Variants in EFHC2 observed in about 807,000 individuals in gnomAD.
EFHC2 encodes EF-hand domain-containing family member C2.
In EFHC2, 18 loss-of-function variants were observed where a neutral mutation model predicts 52.7. That is an observed-to-expected ratio of 0.34 (90% confidence interval 0.24 to 0.51). EFHC2 has a LOEUF of 0.51. Among genes scored for constraint, EFHC2 ranks in the 20% least tolerant of loss-of-function variants. The pLI, the probability that EFHC2 is intolerant of heterozygous loss-of-function variation, is 0.97. For missense variants in EFHC2, 513 were observed against 562.5 expected, an observed-to-expected ratio of 0.91 and a Z score of 0.89; for synonymous variants, 203 against 204.1, an observed-to-expected ratio of 0.99 and a Z score of 0.04.
chrX:44,331,116 A>G (rs770440665), intron 1 of EFHC2, among the ~76,000 whole-genome samples: 1 of 112,251 alleles, frequency 8.9e-6, no homozygotes, highest in South Asian at 3.7e-4. Flanking sequence ...AATAGCTAAA[A>G]ACTAGAAATA....
chrX:44,342,205 G>A (rs1425691305), intron 1 of EFHC2, among the ~76,000 whole-genome samples: 2 of 112,383 alleles, frequency 1.8e-5, no homozygotes, highest in Non-Finnish European at 3.7e-5. Context: ...CTGACCAGAC[G>A]TGTAGGGGTC....
intron 1 of EFHC2, among the ~76,000 whole-genome samples, chrX:44,317,313 G>A (rs1034864008): frequency 8.9e-6 from 1 of 112,066 alleles, no homozygotes; most frequent in African/African-American, 3.2e-5. Context: ...GGTGGCAGAC[G>A]CAGTTTGTCA....
intron 11 of EFHC2, among the ~76,000 whole-genome samples, chrX:44,206,466 G>C (rs181130741): frequency 8.1e-5 from 9 of 111,720 alleles, no homozygotes; most frequent in African/African-American, 2.9e-4. Flanking sequence ...AAACTCCAAA[G>C]GTTCCTCCAA....
intron 2 of EFHC2, among the ~76,000 whole-genome samples, chrX:44,283,349 A>C (rs974813899): frequency 1.8e-5 from 2 of 109,910 alleles, no homozygotes; most frequent in Non-Finnish European, 3.8e-5. Flanking sequence ...CACCCAGCTA[A>C]TTTTTTGTAT....
At chrX:44,315,467 A>T (rs1230674504) in intron 1 of EFHC2, among the ~76,000 whole-genome samples, 1 of 111,176 alleles carries the variant, frequency 9.0e-6, no homozygotes, top group Non-Finnish European at 1.9e-5. Context: ...ATCTCATTTC[A>T]CTGTCACAGA....
intron 1 of EFHC2, among the ~76,000 whole-genome samples, chrX:44,338,369 T>C (rs2038129266): frequency 9.6e-6 from 1 of 103,728 alleles, no homozygotes; most frequent in Non-Finnish European, 2.0e-5. Context: ...GGTATGGTGG[T>C]GCATGTCTGT....
At chrX:44,239,642 T>TA (rs2037345614) in intron 8 of EFHC2, among the ~76,000 whole-genome samples, 1 of 112,173 alleles carries the variant, frequency 8.9e-6, no homozygotes, top group Non-Finnish European at 1.9e-5. Context: ...TTTTCTCATG[T>TA]AAAAAATGGG....
rs371561266 is a variant in EFHC2 at position 44,261,302 on chromosome X, T to C, written c.383-4A>G. ...CGATGACGCCGGATAGAAGTCCCTA[T>C]GGCATGAAAGAAAATACAACTGTTT... On this transcript the variant is annotated splice_region_variant and splice_polypyrimidine_tract_variant and intron_variant, in intron 3 of 14. Coordinates refer to ENST00000420999, the MANE Select transcript of EFHC2 (RefSeq NM_025184.4). 10 of 1,169,733 alleles carry C rather than the reference T, an allele frequency of 8.5e-6. No homozygotes were observed. Among genetic ancestry groups the C allele is most frequent in the Admixed American group, 4.9e-5 (2 of 41,219 alleles).
intron 11 of EFHC2, among the ~76,000 whole-genome samples, chrX:44,204,786 A>G (rs2037034452): frequency 8.9e-6 from 1 of 112,035 alleles, no homozygotes; most frequent in Non-Finnish European, 1.9e-5. Context: ...AAGGAGAAAA[A>G]GCAAGCAATT....
intron 2 of EFHC2, among the ~76,000 whole-genome samples, chrX:44,288,953 A>G (rs1331784716): frequency 8.9e-6 from 1 of 112,238 alleles, no homozygotes; most frequent in Non-Finnish European, 1.9e-5. Context: ...CAAACGTATT[A>G]CAAAAATATG....
intron 11 of EFHC2, among the ~76,000 whole-genome samples, chrX:44,187,538 G>A (rs188351355): frequency 5.1e-4 from 56 of 110,845 alleles, no homozygotes; most frequent in Non-Finnish European, 4.3e-4. Flanking sequence ...TATTCCCTTC[G>A]GATGGTGTTC....
intron 2 of EFHC2, chrX:44,284,824 A>G (rs2037739119): frequency 8.9e-6 from 1 of 112,091 alleles, no homozygotes; most frequent in South Asian, 3.8e-4. Flanking sequence ...AAAGCTCTCC[A>G]CCTTTAAATG....
At chrX:44,220,489 C>T (rs1047414830) in intron 11 of EFHC2, among the ~76,000 whole-genome samples, 1 of 111,758 alleles carries the variant, frequency 8.9e-6, no homozygotes, top group African/African-American at 3.2e-5. Flanking sequence ...CTCTGAGTGG[C>T]TACTATGAAC....
At chrX:44,177,831 A>C (rs1288154391) in intron 12 of EFHC2, among the ~76,000 whole-genome samples, 2 of 110,803 alleles carry the variant, frequency 1.8e-5, no homozygotes, top group African/African-American at 6.6e-5. Flanking sequence ...ACTATGCTTC[A>C]GTTGAAAGCT....
At chrX:44,280,395 CA>C (rs1319244841) in intron 2 of EFHC2, among the ~76,000 whole-genome samples, 1 of 111,806 alleles carries the variant, frequency 8.9e-6, no homozygotes, top group African/African-American at 3.2e-5. Flanking sequence ...AACAAGATTA[CA>C]AAAAGATCTG....
intron 1 of EFHC2, among the ~76,000 whole-genome samples, chrX:44,328,288 T>C (rs1457596583): frequency 8.9e-6 from 1 of 111,841 alleles, no homozygotes; most frequent in African/African-American, 3.3e-5. Context: ...CAGGTCACGT[T>C]CCCCTCATTC....
intron 14 of EFHC2, among the ~76,000 whole-genome samples, chrX:44,152,578 A>C (rs1451169021): frequency 2.7e-5 from 3 of 111,593 alleles, no homozygotes; most frequent in Non-Finnish European, 5.6e-5. Context: ...ACCAACTGGC[A>C]GTATGAAGAG....
chrX:44,184,723 CAAAAAA>C (rs34983921), intron 11 of EFHC2, among the ~76,000 whole-genome samples: 1 of 46,197 alleles, frequency 2.2e-5, no homozygotes, highest in Non-Finnish European at 4.7e-5. Flanking sequence ...AATTCCATCT[CAAAAAA>C]AAAAAAAAAA....
intron 4 of EFHC2, among the ~76,000 whole-genome samples, chrX:44,257,802 A>C (rs1239596623): frequency 8.9e-6 from 1 of 112,126 alleles, no homozygotes; most frequent in Admixed American, 9.5e-5. Context: ...TTTATATAGA[A>C]CCAAAAAAGA....
Sources: gnomAD v4.1 joint callset for allele counts (sites outside exome capture counted in the v4.1 genomes callset) on GRCh38, gnomAD v4.1.1 for gene constraint, MANE v1.5 for transcripts, NCBI Gene and HGNC (gene_info 2026-07-23, HGNC 2026-07-21) for gene names.